The following MCC variants were observed in gnomAD, a reference collection of about 807,000 sequenced individuals.
MCC encodes the protein colorectal mutant cancer protein.
MCC carries 90 observed loss-of-function variants against 116.2 expected under a neutral mutation model. The observed-to-expected ratio is 0.77, with a 90% CI of 0.65 to 0.92. The LOEUF (loss-of-function observed/expected upper bound fraction) is 0.92. Ranked by LOEUF, MCC falls within the 40% of genes least tolerant of loss-of-function variation. MCC has a pLI of 0.00. For missense variants in MCC, 1,516 were observed against 1,312.2 expected (o/e 1.16, Z -2.40); for synonymous variants, 578 against 510.5 (o/e 1.13, Z -1.78).
intron 5 of MCC, among the ~76,000 whole-genome samples, chr5:113,134,601 AT>A (rs1304688733): frequency 7.5e-5 from 3 of 40,114 alleles, no homozygotes; most frequent in Admixed American, 3.1e-4. Flanking sequence ...ACATTGTAGG[AT>A]TTTTTTTTTC....
intron 3 of MCC, among the ~76,000 whole-genome samples, chr5:113,289,363 G>C (rs943116196): frequency 9.9e-5 from 15 of 150,940 alleles, no homozygotes; most frequent in Non-Finnish European, 1.9e-4. Flanking sequence ...AAAAAAGAAA[G>C]AAGTCAGAGT....
intron 11 of MCC, among the ~76,000 whole-genome samples, chr5:113,073,744 T>G (rs1333257883): frequency 6.6e-6 from 1 of 151,866 alleles, no homozygotes; most frequent in African/African-American, 2.4e-5. Flanking sequence ...AAATTAACCT[T>G]CTCTGGGGTC....
chr5:113,331,187 G>A (rs1767688391), intron 3 of MCC, among the ~76,000 whole-genome samples: 3 of 148,108 alleles, frequency 2.0e-5, no homozygotes, highest in South Asian at 2.1e-4. Flanking sequence ...AGAGTAGGGG[G>A]TCTGGGACAA....
At chr5:113,244,088 G>T (rs564646202) in intron 3 of MCC, among the ~76,000 whole-genome samples, 1 of 152,338 alleles carries the variant, frequency 6.6e-6, no homozygotes, top group South Asian at 2.1e-4. Context: ...TCTTTGGATA[G>T]CATACATGGA....
intron 3 of MCC, among the ~76,000 whole-genome samples, chr5:113,298,706 A>C (rs1159678607): frequency 2.6e-5 from 4 of 152,170 alleles, no homozygotes; most frequent in Non-Finnish European, 4.4e-5. Flanking sequence ...GGGGATGCTG[A>C]TACTTCTTCC....
At chr5:113,351,121 A>G (rs1474399668) in intron 2 of MCC, among the ~76,000 whole-genome samples, 1 of 152,060 alleles carries the variant, frequency 6.6e-6, no homozygotes, top group Non-Finnish European at 1.5e-5. Flanking sequence ...ATGGAGAACC[A>G]TTTGGAGGTT....
At chr5:113,205,281 G>A (rs941069007) in intron 3 of MCC, among the ~76,000 whole-genome samples, 1 of 152,202 alleles carries the variant, frequency 6.6e-6, no homozygotes, top group African/African-American at 2.4e-5. Flanking sequence ...AACAGTTAAA[G>A]GCCTAGAGGC....
At chr5:113,426,891 A>C (rs1330162058) in intron 1 of MCC, among the ~76,000 whole-genome samples, 1 of 152,164 alleles carries the variant, frequency 6.6e-6, no homozygotes, top group Admixed American at 6.5e-5. Context: ...AATGAGTTCA[A>C]AACTCTCCCT....
At chr5:113,323,088 G>A (rs1767466795) in intron 3 of MCC, 1 of 152,324 alleles carries the variant, frequency 6.6e-6, no homozygotes, top group African/African-American at 2.4e-5. Flanking sequence ...CACATCATGA[G>A]GAACTAACCA....
At chr5:113,290,369 G>T (rs1183029311) in intron 3 of MCC, among the ~76,000 whole-genome samples, 1 of 152,150 alleles carries the variant, frequency 6.6e-6, no homozygotes, top group Non-Finnish European at 1.5e-5. Context: ...TGTTTAAAAG[G>T]CAAAGAGTTT....
rs1376416929 is a variant in MCC, at chr5:113,024,171, G to GAGA, written c.*3128_*3130dup. On this transcript the variant is annotated 3_prime_UTR_variant, in exon 19 of 19. Coordinates refer to ENST00000408903, the MANE Select transcript of MCC (RefSeq NM_001085377.2). Reference sequence around the variant, plus strand: ...CCTCTAAAATATTGCTGCAGGCTCAGAGAAGACTTAGTGCATGCATCTGAA... The same window carrying GAGA: ...CCTCTAAAATATTGCTGCAGGCTCAGAGAAGAAGACTTAGTGCATGCATCTGAA... The GAGA allele has an allele frequency of 1.3e-5, 2 of 152,188 alleles. No individual in the cohort carries two copies. The highest frequency in any genetic ancestry group is 2.9e-5 in the Non-Finnish European group (2 of 68,034). 9.4% of individuals were successfully genotyped at this position (152,188 alleles called of 1,614,324 possible). A position where few individuals can be genotyped will look rare whatever the true frequency, so the allele number is the denominator to read the frequency against.
At chr5:113,472,633 T>A (rs1305250209) in intron 1 of MCC, among the ~76,000 whole-genome samples, 1 of 152,210 alleles carries the variant, frequency 6.6e-6, no homozygotes, top group East Asian at 1.9e-4. Flanking sequence ...TAGGAAGTAA[T>A]CTGTAAAGTA....
intron 1 of MCC, among the ~76,000 whole-genome samples, chr5:113,481,132 A>G (rs1772367586): frequency 6.6e-6 from 1 of 152,240 alleles, no homozygotes; most frequent in Non-Finnish European, 1.5e-5. Context: ...CAATTTGAAT[A>G]TGAAGAAGTT....
chr5:113,189,133 G>A (rs981789364), intron 3 of MCC, among the ~76,000 whole-genome samples: 2 of 152,118 alleles, frequency 1.3e-5, no homozygotes, highest in Non-Finnish European at 2.9e-5. Flanking sequence ...CTTCAAGCCC[G>A]TGTTCACAAA....
chr5:113,138,980 GTC>G (rs1224016179), intron 5 of MCC, among the ~76,000 whole-genome samples: 1 of 152,146 alleles, frequency 6.6e-6, no homozygotes. Flanking sequence ...GACAAGTAAA[GTC>G]TCTGTTCACC....
intron 6 of MCC, among the ~76,000 whole-genome samples, chr5:113,120,038 G>A (rs1047484986): frequency 2.0e-5 from 3 of 152,188 alleles, no homozygotes; most frequent in African/African-American, 7.2e-5. Context: ...GAACTTTGTT[G>A]GAGTACAGGT....
intron 1 of MCC, among the ~76,000 whole-genome samples, chr5:113,390,675 C>T (rs1390021608): frequency 6.6e-6 from 1 of 152,114 alleles, no homozygotes; most frequent in Non-Finnish European, 1.5e-5. Context: ...GAAAGATGGG[C>T]TTTGGTCTCT....
At chr5:113,336,414 G>A (rs1424086145) in intron 3 of MCC, among the ~76,000 whole-genome samples, 2 of 151,680 alleles carry the variant, frequency 1.3e-5, no homozygotes, top group African/African-American at 2.4e-5. Flanking sequence ...CCAAGTGTGT[G>A]TGCAGGAGAC....
chr5:113,418,211 C>G (rs961947863), intron 1 of MCC, among the ~76,000 whole-genome samples: 1 of 151,144 alleles, frequency 6.6e-6, no homozygotes, highest in African/African-American at 2.4e-5. Context: ...TAATGAACCC[C>G]GTTTAAATAG....
Sources: allele counts gnomAD v4.1 joint callset (sites outside exome capture counted in the v4.1 genomes callset), GRCh38; gene constraint gnomAD v4.1.1; transcripts MANE v1.5; gene names NCBI Gene and HGNC (gene_info 2026-07-23, HGNC 2026-07-21).